CARMIL1: variants seen among roughly 807,000 people sequenced by gnomAD.
CARMIL1 encodes the protein F-actin-uncapping protein LRRC16A.
CARMIL1 carries 90 observed loss-of-function variants against 177.1 expected under a neutral mutation model. That is an observed-to-expected ratio of 0.51 (90% CI 0.43 to 0.61). CARMIL1 has a LOEUF of 0.61. Ranked by LOEUF, CARMIL1 falls within the 20% of genes least tolerant of loss-of-function variation. The pLI, the probability that CARMIL1 is intolerant of heterozygous loss-of-function variation, is 0.00. For synonymous variants in CARMIL1, 577 were observed against 606.2 expected, an observed-to-expected ratio of 0.95 and a Z score of 0.71; for missense variants, 1,380 against 1,667.0, an observed-to-expected ratio of 0.83 and a Z score of 3.00.
intron 16 of CARMIL1, among the ~76,000 whole-genome samples, chr6:25,496,238 G>C (rs1803690754): frequency 6.6e-6 from 1 of 152,168 alleles, no homozygotes; most frequent in Admixed American, 6.5e-5. Flanking sequence ...AGCACTCTGG[G>C]AGGCTGAGGT....
In CARMIL1 at chr6:25,284,819, A is replaced by T; in HGVS notation, c.48A>T (p.Ile16=). The T allele has an allele frequency of 6.6e-7, 1 of 1,522,240 alleles. No homozygotes were observed. The highest frequency in any genetic ancestry group is 9.0e-7 in the Non-Finnish European group (1 of 1,115,882). 94.3% of individuals were successfully genotyped at this position (1,522,240 alleles called of 1,614,324 possible). ...SDVPRELIES[I]KDVIGRKIKI... is the part of the protein sequence containing the mutation. ...ATTCCTTTTTTTTTTCAGAAAGCAT[A>T]AAGGATGTTATTGGCAGAAAGATAA... The change falls in exon 2 of 37, where the codon ATA becomes ATT. Residue 16 remains isoleucine (I), a synonymous_variant. Transcript: ENST00000329474.
At chr6:25,359,226 T>G (rs1788943747) in intron 2 of CARMIL1, among the ~76,000 whole-genome samples, 1 of 152,212 alleles carries the variant, frequency 6.6e-6, no homozygotes, top group South Asian at 2.1e-4. Context: ...TGGAAGGACT[T>G]GGACTCACTG....
rs1436437128 is a variant in CARMIL1, at chr6:25,600,406, T to C, written c.3212T>C (p.Leu1071Pro). 1.9e-6 allele frequency: 3 copies of C among 1,613,860 alleles called. No homozygotes were observed. Among genetic ancestry groups the C allele is most frequent in the African/African-American group, 2.7e-5 (2 of 74,914 alleles). The change falls in exon 33 of 37, where the codon CTC becomes CCC. Residue 1071 changes from leucine to proline, a missense_variant. Physicochemically the swap from Leu to Pro is moderately conservative, Grantham distance 98. Transcript: ENST00000329474. Reference sequence around the variant, plus strand: ...GATTCTCGGAAAAGTAGTGGCTTTCTCAATTTAATCAAATCCCGGTCCAAA... The same window carrying C: ...GATTCTCGGAAAAGTAGTGGCTTTCCCAATTTAATCAAATCCCGGTCCAAA... Reference protein sequence around the residue: ...KRDSRKSSGFLNLIKSRSKSE... With the variant: ...KRDSRKSSGFPNLIKSRSKSE...
chr6:25,505,695 C>T (rs1183147929), intron 17 of CARMIL1, among the ~76,000 whole-genome samples: 1 of 152,094 alleles, frequency 6.6e-6, no homozygotes, highest in Admixed American at 6.5e-5. Flanking sequence ...TCAAGTAATC[C>T]ACCTACCTCG....
chr6:25,470,089 GT>G (rs140080889), intron 9 of CARMIL1, among the ~76,000 whole-genome samples: 1 of 151,872 alleles, frequency 6.6e-6, no homozygotes, highest in South Asian at 2.1e-4. Context: ...CTACATAATG[GT>G]TTTTTTGACA....
At chr6:25,337,709 T>C (rs1240639639) in intron 2 of CARMIL1, among the ~76,000 whole-genome samples, 1 of 152,224 alleles carries the variant, frequency 6.6e-6, no homozygotes, top group East Asian at 1.9e-4. Flanking sequence ...ATGAAGACAA[T>C]GCAGTGAATG....
intron 2 of CARMIL1, among the ~76,000 whole-genome samples, chr6:25,302,470 G>T (rs1032576952): frequency 1.3e-5 from 2 of 152,212 alleles, no homozygotes; most frequent in African/African-American, 4.8e-5. Flanking sequence ...TGAGGAGATT[G>T]TAAACTACTC....
intron 20 of CARMIL1, among the ~76,000 whole-genome samples, chr6:25,511,180 TAGGGGACCA>T (rs1805421363): frequency 6.6e-6 from 1 of 152,210 alleles, no homozygotes; most frequent in African/African-American, 2.4e-5. Flanking sequence ...TGTGGAATTA[TAGGGGACCA>T]AGGAAGTTTT....
intron 30 of CARMIL1, 36 bp from the exon 31 acceptor site, chr6:25,581,207 T>C: frequency 6.3e-7 from 1 of 1,587,486 alleles, no homozygotes; most frequent in Non-Finnish European, 8.6e-7. Context: ...GCTTTGGCCT[T>C]GGGCTGTTTT....
Position 25,279,773 on chromosome 6 carries a change from AC to A in CARMIL1, c.-18del. The A allele has an allele frequency of 1.1e-5, 18 of 1,613,252 alleles. No individual in the cohort carries two copies. The highest frequency in any genetic ancestry group is 1.4e-5 in the Non-Finnish European group (17 of 1,179,440). On this transcript the variant is annotated 5_prime_UTR_variant, in exon 1 of 37. Transcript: ENST00000329474. ...ATAAATCAGAGTTGGACCTGCAATA[AC>A]CCCCACACCTACAGGGCAACCATGA... is the stretch of plus-strand genomic sequence containing the variant.
intron 2 of CARMIL1, among the ~76,000 whole-genome samples, chr6:25,383,010 G>A (rs1480285439): frequency 6.6e-6 from 1 of 152,124 alleles, no homozygotes; most frequent in Non-Finnish European, 1.5e-5. Context: ...GAAAGAGAGA[G>A]GTTCTGAAGT....
Position 25,509,416 on chromosome 6 carries a change from T to C in CARMIL1, c.1396-240T>C, listed in dbSNP as rs1805250247. 6.6e-6 allele frequency among the ~76,000 whole-genome samples: 1 copy of C among 152,194 alleles called. No individual in the cohort carries two copies. Among genetic ancestry groups the C allele is most frequent in the South Asian group, 2.1e-4 (1 of 4,828 alleles). ...GGGTGGTGGTCATCTTGTTTCTCTTTTGTTTTTTTCTAATGTTTTTAGGAT... is the reference window on the plus strand; with the variant it reads ...GGGTGGTGGTCATCTTGTTTCTCTTCTGTTTTTTTCTAATGTTTTTAGGAT... On this transcript the variant is annotated intron_variant, in intron 17 of 36. Coordinates refer to ENST00000329474, the MANE Select transcript of CARMIL1 (RefSeq NM_017640.6). The surrounding 1 kb of genome is among the most constrained non-coding windows in gnomAD (Gnocchi z 4.1).
rs68160209 is a variant in CARMIL1, at chr6:25,463,819, C to CTT, written c.615-2034_615-2033dup. ...AATAACTATTGAAAGAGTTGTTCTCCTTTTTTTTTTTTTTTTTTTTTGAGA... is the reference window on the plus strand; with the variant it reads ...AATAACTATTGAAAGAGTTGTTCTCCTTTTTTTTTTTTTTTTTTTTTTTGAGA... On this transcript the variant is annotated intron_variant, in intron 8 of 36. Coordinates refer to ENST00000329474, the MANE Select transcript of CARMIL1 (RefSeq NM_017640.6). Among the ~76,000 whole-genome samples the CTT allele has an allele frequency of 4.3e-3, 468 of 108,502 alleles. 17 individuals carry two copies. The highest frequency in any genetic ancestry group is 9.4e-3 in the African/African-American group (264 of 28,226). 71.2% of individuals were successfully genotyped at this position (108,502 alleles called of 152,430 possible).
chr6:25,562,680 C>T (rs117690589), intron 29 of CARMIL1, among the ~76,000 whole-genome samples: 50 of 152,294 alleles, frequency 3.3e-4, no homozygotes, highest in Middle Eastern at 3.4e-3. Context: ...CACCTTTGCC[C>T]TGCAGGTAAC....
intron 28 of CARMIL1, among the ~76,000 whole-genome samples, chr6:25,556,037 C>T (rs1810582144): frequency 6.6e-6 from 1 of 152,054 alleles, no homozygotes; most frequent in Non-Finnish European, 1.5e-5. Context: ...AAAATGAAAC[C>T]TTGGTTTCAA....
chr6:25,442,020 T>C (rs1797822185), intron 5 of CARMIL1, among the ~76,000 whole-genome samples: 4 of 152,146 alleles, frequency 2.6e-5, no homozygotes, highest in Admixed American at 2.6e-4. Flanking sequence ...GGTTGCTGTG[T>C]TTTGGTAGTC....
At chr6:25,462,232 C>T (rs1001212993) in intron 8 of CARMIL1, among the ~76,000 whole-genome samples, 1 of 152,058 alleles carries the variant, frequency 6.6e-6, no homozygotes, top group African/African-American at 2.4e-5. Flanking sequence ...GATCTAAAAA[C>T]TCTTAGACTA....
chr6:25,480,970 T>C (rs1485418901), intron 11 of CARMIL1, among the ~76,000 whole-genome samples: 1 of 152,090 alleles, frequency 6.6e-6, no homozygotes, highest in Non-Finnish European at 1.5e-5. Context: ...TCCGCCCTCC[T>C]CGGCCTCCCA....
chr6:25,570,310 G>A (rs1327112273), intron 29 of CARMIL1, among the ~76,000 whole-genome samples: 2 of 152,180 alleles, frequency 1.3e-5, no homozygotes, highest in Non-Finnish European at 2.9e-5. Context: ...ATATATACCT[G>A]ATCTTGTAGT....
Sources: gnomAD v4.1 joint callset for allele counts (sites outside exome capture counted in the v4.1 genomes callset) on GRCh38, gnomAD v4.1.1 for gene constraint, Gnocchi (gnomAD v3.1) non-coding constraint, MANE v1.5 for transcripts, NCBI Gene and HGNC (gene_info 2026-07-23, HGNC 2026-07-21) for gene names.